Variants in EFCAB8 observed in about 807,000 individuals in gnomAD.
EFCAB8 encodes the protein EF-hand calcium-binding domain-containing protein 8.
EFCAB8 carries 100 observed loss-of-function variants against 116.3 expected under a neutral mutation model. The ratio of observed to expected loss-of-function variants is 0.86; its 90% CI spans 0.73 to 1.02. EFCAB8 has a LOEUF of 1.02. EFCAB8 is among the 50% of genes least tolerant of loss of function. The probability of loss-of-function intolerance (pLI) is 0.00; values close to 1 mark genes in which losing one functional copy is unlikely to be tolerated. For synonymous variants in EFCAB8, 558 were observed against 567.9 expected (o/e 0.98, Z 0.25); for missense variants, 1,320 against 1,416.9 (o/e 0.93, Z 1.10).
chr20:32,880,417 T>A (rs1392990261), intron 5 of EFCAB8, among the ~76,000 whole-genome samples: 1 of 152,076 alleles, frequency 6.6e-6, no homozygotes, highest in Non-Finnish European at 1.5e-5. Flanking sequence ...TACGAACGCC[T>A]GCCACCATGC....
chr20:32,918,475 G>C lies in EFCAB8; in HGVS notation c.2175G>C (p.Glu725Asp). The C allele has an allele frequency of 6.4e-7, 1 of 1,551,756 alleles. No homozygotes were observed. The highest frequency in any genetic ancestry group is 8.7e-7 in the Non-Finnish European group (1 of 1,147,006). The change falls in exon 19 of 27, where the codon GAG becomes GAC. Residue 725 changes from glutamate (E) to aspartate (D), a missense_variant. By Grantham distance (45) the Glu-to-Asp change is conservative (BLOSUM62 2). Transcript: ENST00000400522. Reference protein sequence around the residue: ...TSRKLSSLSPESVANTNLRRS... With the variant: ...TSRKLSSLSPDSVANTNLRRS... Reference sequence around the variant, plus strand: ...GGAAGCTCTCCAGTCTCAGCCCCGAGTCTGTGGCCAATACCAACCTGAGGC... The same window carrying C: ...GGAAGCTCTCCAGTCTCAGCCCCGACTCTGTGGCCAATACCAACCTGAGGC...
chr20:32,889,950 G>A (rs1376716015), intron 7 of EFCAB8, among the ~76,000 whole-genome samples: 1 of 149,234 alleles, frequency 6.7e-6, no homozygotes, highest in Non-Finnish European at 1.5e-5. Context: ...GCAGTAAGCT[G>A]AGATCGCGCC....
intron 17 of EFCAB8, chr20:32,917,010 C>CT (rs902100668): frequency 2.3e-5 from 8 of 352,134 alleles, no homozygotes; most frequent in African/African-American, 1.7e-4. Flanking sequence ...ACAATGTCCC[C>CT]CCCCCTTTAA....
At chr20:32,860,761 A>G (rs1018750770) in intron 1 of EFCAB8, among the ~76,000 whole-genome samples, 12 of 151,658 alleles carry the variant, frequency 7.9e-5, no homozygotes, top group African/African-American at 2.9e-4. Context: ...TTTTGAGACA[A>G]GGTCTCATTC....
Position 32,885,606 on chromosome 20 carries a change from G to T in EFCAB8, c.533G>T (p.Trp178Leu). Reference sequence around the variant, plus strand: ...ACCAAAGACGGGATCCTGCAGTTCTGGTCTGAGTCCTTCTCGCTGATGAGC... The same window carrying T: ...ACCAAAGACGGGATCCTGCAGTTCTTGTCTGAGTCCTTCTCGCTGATGAGC... ...TVTKDGILQF[W>L]SESFSLMSSF... The change falls in exon 6 of 27, where the codon TGG becomes TTG. Residue 178 changes from tryptophan (W) to leucine (L), a missense_variant. By Grantham distance (61) the Trp-to-Leu change is moderately conservative. Coordinates refer to ENST00000400522, the MANE Select transcript of EFCAB8 (RefSeq NM_001143967.2). 1 of 1,551,810 alleles carries T rather than the reference G, an allele frequency of 6.4e-7. No individual in the cohort carries two copies. Among genetic ancestry groups the T allele is most frequent in the Non-Finnish European group, 8.7e-7 (1 of 1,147,012 alleles).
At chr20:32,862,515 A>AAG (rs1215632714) in intron 1 of EFCAB8, among the ~76,000 whole-genome samples, 2 of 152,102 alleles carry the variant, frequency 1.3e-5, no homozygotes, top group East Asian at 3.9e-4. Context: ...TCCTTCCCTT[A>AAG]GGCTGTCCTC....
chr20:32,893,364 T>C, intron 9 of EFCAB8, 66 bp downstream of exon 9: 2 of 1,539,564 alleles, frequency 1.3e-6, no homozygotes, highest in Non-Finnish European at 1.8e-6. Context: ...GCTGAGGTCA[T>C]CCTGGTCCCC....
chr20:32,928,229 A>G (rs1987747740), intron 20 of EFCAB8, among the ~76,000 whole-genome samples: 1 of 144,484 alleles, frequency 6.9e-6, no homozygotes, highest in Admixed American at 6.9e-5. Context: ...TAGAAATGCA[A>G]CTGATTTTTT....
chr20:32,874,816 G>T (rs1196389851), intron 3 of EFCAB8, among the ~76,000 whole-genome samples: 1 of 151,708 alleles, frequency 6.6e-6, no homozygotes, highest in Non-Finnish European at 1.5e-5. Flanking sequence ...GTGTGATCTC[G>T]GCTCACTGCA....
chr20:32,909,783 C>G (rs542124601), intron 14 of EFCAB8, 38 bp from the exon 15 acceptor site: 1 of 1,118,226 alleles, frequency 8.9e-7, no homozygotes, highest in East Asian at 3.2e-5. Context: ...CAGAGCCCTT[C>G]TGACAGACAA....
At chr20:32,867,479 C>T (rs1316340567) in intron 2 of EFCAB8, 103 bp from the exon 3 acceptor site, 3 of 1,286,094 alleles carry the variant, frequency 2.3e-6, no homozygotes, top group African/African-American at 1.5e-5. Context: ...ACACTACTTA[C>T]CTTGTTCTTT....
In EFCAB8 at chr20:32,917,374, G is replaced by A. The variant is rs369239297; in HGVS notation, c.1930G>A (p.Ala644Thr). 1.9e-6 allele frequency: 3 copies of A among 1,551,796 alleles called. No homozygotes were observed. Among genetic ancestry groups the A allele is most frequent in the Non-Finnish European group, 2.6e-6 (3 of 1,146,994 alleles). Reference sequence around the variant, plus strand: ...CCACACGGAGGACATCCTGAGCATGGCCAAGTACCGGAACCAGTTCCTTGG... The same window carrying A: ...CCACACGGAGGACATCCTGAGCATGACCAAGTACCGGAACCAGTTCCTTGG... Reference protein sequence around the residue: ...TYHTEDILSMAKYRNQFLGTS... With the variant: ...TYHTEDILSMTKYRNQFLGTS... The change falls in exon 18 of 27, where the codon GCC (alanine) becomes ACC (threonine). Residue 644 changes from alanine to threonine, a missense_variant. Ala to Thr is a moderately conservative substitution (Grantham distance 58, BLOSUM62 0). Transcript: ENST00000400522.
At chr20:32,866,422 T>C (rs1324260247) in intron 2 of EFCAB8, among the ~76,000 whole-genome samples, 1 of 151,860 alleles carries the variant, frequency 6.6e-6, no homozygotes, top group Non-Finnish European at 1.5e-5. Flanking sequence ...CAGCCTTTGA[T>C]GGCCTGAGCT....
At position 32,885,571 on chromosome 20, in the gene EFCAB8, C is replaced by A; in HGVS notation, c.498C>A (p.Phe166Leu). ...LIHRFKKIGC[F>L]LTVTKDGILQ... ...ACCGGTTCAAGAAGATCGGGTGTTT[C>A]CTGACTGTCACCAAAGACGGGATCC... The change falls in exon 6 of 27, where the codon TTC becomes TTA. Residue 166 changes from phenylalanine (F) to leucine (L), a missense_variant. By Grantham distance (22) the Phe-to-Leu change is conservative. Coordinates refer to ENST00000400522, the MANE Select transcript of EFCAB8 (RefSeq NM_001143967.2). The A allele has an allele frequency of 6.4e-7, 1 of 1,551,768 alleles. No individual in the cohort carries two copies. Among genetic ancestry groups the A allele is most frequent in the Non-Finnish European group, 8.7e-7 (1 of 1,147,010 alleles).
chr20:32,908,181 TG>T, intron 13 of EFCAB8, 93 bp from the exon 14 acceptor site: 1 of 1,173,492 alleles, frequency 8.5e-7, no homozygotes. Flanking sequence ...CGATGTGCCC[TG>T]GCCTTGTTCG....
intron 22 of EFCAB8, among the ~76,000 whole-genome samples, chr20:32,934,966 T>A (rs1331335114): frequency 6.6e-6 from 1 of 152,172 alleles, no homozygotes; most frequent in Non-Finnish European, 1.5e-5. Context: ...TTTTCTTTTT[T>A]CTGCCTCCTC....
chr20:32,877,334 G>A (rs1026844227), intron 4 of EFCAB8, among the ~76,000 whole-genome samples: 7 of 147,390 alleles, frequency 4.7e-5, no homozygotes, highest in Admixed American at 2.1e-4. Context: ...TCAGCCTCCC[G>A]AGTAGCTGGG....
At chr20:32,901,928 C>T (rs868749293) in intron 11 of EFCAB8, among the ~76,000 whole-genome samples, 1 of 152,148 alleles carries the variant, frequency 6.6e-6, no homozygotes, top group Non-Finnish European at 1.5e-5. Context: ...CCTCATGATT[C>T]GCCCGCCTCG....
intron 23 of EFCAB8, among the ~76,000 whole-genome samples, chr20:32,957,286 C>T (rs1988999046): frequency 6.6e-6 from 1 of 151,344 alleles, no homozygotes; most frequent in African/African-American, 2.4e-5. Context: ...GTTATATTGG[C>T]CTTTTCACAT....
Sources: allele counts gnomAD v4.1 joint callset (sites outside exome capture counted in the v4.1 genomes callset), GRCh38; gene constraint gnomAD v4.1.1; transcripts MANE v1.5; gene names NCBI Gene and HGNC (gene_info 2026-07-23, HGNC 2026-07-21).